The following AGL variants were observed in gnomAD, a reference collection of about 807,000 sequenced individuals.
AGL encodes glycogen debranching enzyme.
Under a neutral mutation model 199.3 loss-of-function variants are expected in AGL, and 128 were observed. The ratio of observed to expected loss-of-function variants is 0.64; its 90% CI spans 0.56 to 0.74. The LOEUF is 0.74. Among genes scored for constraint, AGL ranks in the 30% least tolerant of loss-of-function variants. The pLI is 0.00. For synonymous variants in AGL, 584 were observed against 594.7 expected (o/e 0.98, Z 0.26); for missense variants, 1,809 against 1,820.8 (o/e 0.99, Z 0.12).
chr1:99,892,683 T>G (rs1047622630), intron 24 of AGL, 76 bp downstream of exon 24: 15 of 1,441,496 alleles, frequency 1.0e-5, no homozygotes, highest in Admixed American at 3.6e-5. Flanking sequence ...AAAATGATTA[T>G]TTTTTAAAAG....
intron 2 of AGL, among the ~76,000 whole-genome samples, chr1:99,858,195 A>G (rs990198415): frequency 6.6e-6 from 1 of 152,252 alleles, no homozygotes; most frequent in Admixed American, 6.5e-5. Context: ...TTTACCTCAC[A>G]GGAGTGATCG....
intron 27 of AGL, among the ~76,000 whole-genome samples, chr1:99,904,667 C>G (rs1005811139): frequency 1.3e-5 from 2 of 152,150 alleles, no homozygotes; most frequent in African/African-American, 4.8e-5. Context: ...TTCTGCAACT[C>G]TATAGTTTTG....
intron 27 of AGL, among the ~76,000 whole-genome samples, chr1:99,905,200 G>A (rs1047172147): frequency 6.6e-6 from 1 of 151,912 alleles, no homozygotes; most frequent in Non-Finnish European, 1.5e-5. Flanking sequence ...ACTGTGTGTG[G>A]TGGGGGGGTG....
At position 99,850,402 on chromosome 1, in the gene AGL, A is replaced by AT. The variant is rs1443392440; in HGVS notation, c.-81dup. 2.0e-5 allele frequency: 3 copies of AT among 152,900 alleles called. No individual in the cohort carries two copies. Among genetic ancestry groups the AT allele is most frequent in the African/African-American group, 4.8e-5 (2 of 41,462 alleles). The allele number at this position is 152,900 out of a possible 1,614,324, so 9.5% of individuals were successfully genotyped here. A position where few individuals can be genotyped will look rare whatever the true frequency, so the allele number is the denominator to read the frequency against. ...CTGCAGTGCCCCAGAAGCCGCACGT[A>AT]TAACTCCCTCGGCGTAAGTGCTAGG... On this transcript the variant is annotated 5_prime_UTR_variant, in exon 1 of 34. Transcript: ENST00000361915.
intron 2 of AGL, among the ~76,000 whole-genome samples, chr1:99,856,368 C>G (rs1649451634): frequency 1.7e-5 from 2 of 115,962 alleles, no homozygotes; most frequent in Non-Finnish European, 3.7e-5. Context: ...CCCTCCCTTC[C>G]TTCCTCCCTT....
chr1:99,888,260 T>C, intron 21 of AGL, 152 bp downstream of exon 21: 1 of 925,736 alleles, frequency 1.1e-6, no homozygotes, highest in South Asian at 1.6e-5. Flanking sequence ...TGGCAAGTAA[T>C]ATAACCTCTT....
At chr1:99,874,565 G>A (rs1378889592) in intron 7 of AGL, 122 bp from the exon 8 acceptor site, 5 of 985,442 alleles carry the variant, frequency 5.1e-6, no homozygotes, top group Non-Finnish European at 7.6e-6. Context: ...GAGGATACCT[G>A]TGAAATAAAT....
chr1:99,899,196 G>T (rs534785087), intron 25 of AGL, among the ~76,000 whole-genome samples: 1 of 152,128 alleles, frequency 6.6e-6, no homozygotes, highest in Non-Finnish European at 1.5e-5. Context: ...TTGCATTACT[G>T]TTGAAAAGAT....
intron 33 of AGL, among the ~76,000 whole-genome samples, chr1:99,920,600 T>G (rs1655448707): frequency 6.6e-6 from 1 of 152,174 alleles, no homozygotes; most frequent in Non-Finnish European, 1.5e-5. Flanking sequence ...TCTATGACAG[T>G]TTTTTAAATA....
chr1:99,883,240 G>A (rs571837165), intron 17 of AGL, among the ~76,000 whole-genome samples: 19 of 151,968 alleles, frequency 1.3e-4, no homozygotes, highest in Non-Finnish European at 2.5e-4. Flanking sequence ...AGATCAAAAG[G>A]TTCTGTTACC....
chr1:99,899,778 G>A (rs1324337014), intron 25 of AGL, among the ~76,000 whole-genome samples: 13 of 151,636 alleles, frequency 8.6e-5, no homozygotes, highest in East Asian at 1.9e-4. Flanking sequence ...CTGCCACTAC[G>A]CCCGGCTAAT....
intron 7 of AGL, among the ~76,000 whole-genome samples, chr1:99,871,961 A>G (rs1651054911): frequency 6.6e-6 from 1 of 151,754 alleles, no homozygotes; most frequent in African/African-American, 2.4e-5. Flanking sequence ...ATAATTTTAT[A>G]TAATTCTATA....
chr1:99,913,000 A>T (rs1473294697), intron 29 of AGL, among the ~76,000 whole-genome samples: 1 of 152,180 alleles, frequency 6.6e-6, no homozygotes, highest in Non-Finnish European at 1.5e-5. Context: ...AGGCAGGCAG[A>T]TCGCTTGAGC....
At position 99,913,667 on chromosome 1, in the gene AGL, G is replaced by T; in HGVS notation, c.4090G>T (p.Asp1364Tyr). 1 of 1,614,116 alleles carries T rather than the reference G, an allele frequency of 6.2e-7. No homozygotes were observed. Among genetic ancestry groups the T allele is most frequent in the Non-Finnish European group, 8.5e-7 (1 of 1,179,994 alleles). ...NLVHKRGIYK[D>Y]SYGASSPWCD... ...GGTTCACAAACGTGGCATATACAAA[G>T]ATAGTTATGGAGCTTCAAGTCCTTG... is the stretch of plus-strand genomic sequence containing the variant. Residue 1364 changes from aspartate to tyrosine, a missense_variant, in exon 30 of 34, where the codon GAT becomes TAT. Asp to Tyr is a radical substitution (Grantham distance 160). Transcript: ENST00000361915.
At chr1:99,908,502 G>T (rs1327914047) in intron 27 of AGL, among the ~76,000 whole-genome samples, 1 of 152,090 alleles carries the variant, frequency 6.6e-6, no homozygotes, top group Non-Finnish European at 1.5e-5. Flanking sequence ...GGTCCCTGGA[G>T]ATTCCATATT....
At position 99,879,925 on chromosome 1, in the gene AGL, C is replaced by G. The variant is rs1188310172; in HGVS notation, c.1614C>G (p.Tyr538Ter). The stretch of plus-strand genomic sequence containing the variant: ...ATTTGTCACTGTGCTTTTTACAGTA[C>G]ATGTTGGATGCTGCTAGGAATTTGC... The part of the protein sequence containing the change: ...CHSTPLHVAE[Y>*]MLDAARNLQP... The change falls in exon 13 of 34, where the codon TAC (tyrosine) becomes TAG (stop). Residue 538 changes from tyrosine (Y) to a stop codon, truncating the protein, a stop_gained and splice_region_variant. Transcript: ENST00000361915. LOFTEE classifies it high-confidence loss of function. 6.2e-7 allele frequency: 1 copy of G among 1,610,934 alleles called. No individual in the cohort carries two copies. The highest frequency in any genetic ancestry group is 1.7e-5 in the Admixed American group (1 of 59,984).
chr1:99,874,577 T>C (rs1235160279), intron 7 of AGL, 110 bp from the exon 8 acceptor site: 1 of 1,045,694 alleles, frequency 9.6e-7, no homozygotes, highest in Non-Finnish European at 1.4e-6. Flanking sequence ...GAAATAAATA[T>C]TTGTTTTATT....
chr1:99,891,787 A>G (rs746626525), intron 23 of AGL, 48 bp downstream of exon 23: 3 of 1,601,122 alleles, frequency 1.9e-6, no homozygotes, highest in African/African-American at 1.3e-5. Context: ...TGTTGAAACT[A>G]TATACAGAGT....
intron 2 of AGL, among the ~76,000 whole-genome samples, chr1:99,860,510 A>G (rs776472080): frequency 2.0e-5 from 3 of 152,222 alleles, no homozygotes; most frequent in Non-Finnish European, 4.4e-5. Flanking sequence ...GCTTTAAACC[A>G]ACCAAAATGT....
Sources: gnomAD v4.1 joint callset for allele counts (sites outside exome capture counted in the v4.1 genomes callset) on GRCh38, gnomAD v4.1.1 for gene constraint, MANE v1.5 for transcripts, NCBI Gene and HGNC (gene_info 2026-07-23, HGNC 2026-07-21) for gene names.